KIF16B: variants seen among roughly 807,000 people sequenced by gnomAD.
The protein encoded by KIF16B is kinesin-like protein KIF16B.
A neutral mutation model predicts 156.3 loss-of-function variants in KIF16B; 98 were observed. The ratio of observed to expected loss-of-function variants is 0.63; its 90% CI spans 0.53 to 0.74. The LOEUF is 0.74. Ranked by LOEUF, KIF16B falls within the 30% of genes least tolerant of loss-of-function variation. The probability of loss-of-function intolerance (pLI) is 0.00; values close to 1 mark genes in which losing one functional copy is unlikely to be tolerated. For synonymous variants in KIF16B, 564 were observed against 583.7 expected, an observed-to-expected ratio of 0.97 and a Z score of 0.49; for missense variants, 1,421 against 1,606.5, an observed-to-expected ratio of 0.88 and a Z score of 1.97.
chr20:16,449,035 G>C (rs1568546929), intron 12 of KIF16B, among the ~76,000 whole-genome samples: 1 of 152,150 alleles, frequency 6.6e-6, no homozygotes, highest in Non-Finnish European at 1.5e-5. Context: ...GTCATAGAAT[G>C]AAAGTGTCAA....
intron 17 of KIF16B, among the ~76,000 whole-genome samples, chr20:16,396,784 G>A (rs1437343108): frequency 4.6e-5 from 7 of 151,948 alleles, no homozygotes; most frequent in Non-Finnish European, 1.0e-4. Context: ...TGAGTTAGGG[G>A]CCTTCCGTGG....
At chr20:16,363,322 G>A (rs1782089564) in intron 22 of KIF16B, among the ~76,000 whole-genome samples, 1 of 152,144 alleles carries the variant, frequency 6.6e-6, no homozygotes, top group Middle Eastern at 3.2e-3. Flanking sequence ...GCCCATCCAT[G>A]GAGGTACTCA....
intron 1 of KIF16B, among the ~76,000 whole-genome samples, chr20:16,535,422 A>T (rs1004161281): frequency 1.3e-5 from 2 of 152,186 alleles, no homozygotes; most frequent in Non-Finnish European, 2.9e-5. Context: ...ATATAAGATC[A>T]TGTCATCTGC....
At chr20:16,453,872 C>T (rs1406529088) in intron 12 of KIF16B, among the ~76,000 whole-genome samples, 2 of 152,146 alleles carry the variant, frequency 1.3e-5, no homozygotes, top group African/African-American at 4.8e-5. Context: ...TTGGCAATAT[C>T]TTTCTAAACT....
chr20:16,316,627 A>G (rs74323060), intron 24 of KIF16B, among the ~76,000 whole-genome samples: 7,304 of 152,224 alleles, frequency 0.048, 214 homozygotes, highest in Non-Finnish European at 0.075. Context: ...GGCAGGAATT[A>G]CCACTCCATT....
rs555140236 is a variant in KIF16B at position 16,553,796 on chromosome 20, G to T, written c.47+19433C>A. On this transcript the variant is annotated intron_variant, in intron 1 of 25. Coordinates refer to ENST00000354981, the MANE Select transcript of KIF16B (RefSeq NM_024704.5). Reference sequence around the variant, plus strand: ...GCTACAGCGGGGGAGGTGCAGCTGGGCTGCATGCTCCACAGAGCCAGCAGG... The same window carrying T: ...GCTACAGCGGGGGAGGTGCAGCTGGTCTGCATGCTCCACAGAGCCAGCAGG... Among the ~76,000 whole-genome samples, 109 of 152,044 alleles carry T rather than the reference G, an allele frequency of 7.2e-4. 1 individual carries two copies. Among genetic ancestry groups the T allele is most frequent in the African/African-American group, 2.5e-3 (105 of 41,466 alleles).
chr20:16,568,108 G>A (rs2071327063), intron 1 of KIF16B, among the ~76,000 whole-genome samples: 1 of 152,108 alleles, frequency 6.6e-6, no homozygotes, highest in South Asian at 2.1e-4. Context: ...AAAAGAGGAA[G>A]ACGTCAGTAC....
chr20:16,345,233 G>T (rs904822309), intron 23 of KIF16B, among the ~76,000 whole-genome samples: 2 of 152,114 alleles, frequency 1.3e-5, no homozygotes, highest in African/African-American at 4.8e-5. Context: ...ACACTTAATT[G>T]TCTCCTGAAT....
At chr20:16,568,348 A>AT (rs952340770) in intron 1 of KIF16B, among the ~76,000 whole-genome samples, 1 of 152,154 alleles carries the variant, frequency 6.6e-6, no homozygotes, top group African/African-American at 2.4e-5. Flanking sequence ...CTCAGTAAAT[A>AT]TTTTTTGGCA....
chr20:16,416,287 T>C (rs2066085523), intron 15 of KIF16B, among the ~76,000 whole-genome samples: 1 of 152,212 alleles, frequency 6.6e-6, no homozygotes, highest in Non-Finnish European at 1.5e-5. Flanking sequence ...TCTTTGCCCA[T>C]GCCTATGTCC....
chr20:16,460,366 A>G (rs1326401891), intron 12 of KIF16B, among the ~76,000 whole-genome samples: 1 of 152,130 alleles, frequency 6.6e-6, no homozygotes, highest in African/African-American at 2.4e-5. Flanking sequence ...GGATCACTTG[A>G]GGTTAGGAGT....
chr20:16,390,371 G>A (rs909517389), intron 17 of KIF16B, among the ~76,000 whole-genome samples: 17 of 152,114 alleles, frequency 1.1e-4, no homozygotes, highest in African/African-American at 3.1e-4. Flanking sequence ...CTCTGAAAAT[G>A]ACAGCTAGGA....
At chr20:16,365,072 T>A (rs1407978504) in intron 22 of KIF16B, among the ~76,000 whole-genome samples, 2 of 152,218 alleles carry the variant, frequency 1.3e-5, no homozygotes, top group African/African-American at 4.8e-5. Context: ...TAAAATTTAT[T>A]CCCTCTGCCC....
At chr20:16,529,626 A>G (rs1042506133) in intron 1 of KIF16B, among the ~76,000 whole-genome samples, 1 of 152,178 alleles carries the variant, frequency 6.6e-6, no homozygotes, top group African/African-American at 2.4e-5. Flanking sequence ...GCTGAATGAG[A>G]TACAAACATA....
At chr20:16,354,477 TACACAC>T (rs10567864) in intron 23 of KIF16B, among the ~76,000 whole-genome samples, 5,664 of 148,712 alleles carry the variant, frequency 0.038, 169 homozygotes, top group African/African-American at 0.073. Context: ...AATGGAATTC[TACACAC>T]ACACACACAC....
intron 19 of KIF16B, among the ~76,000 whole-genome samples, chr20:16,376,245 A>G (rs913479631): frequency 6.6e-6 from 1 of 152,220 alleles, no homozygotes; most frequent in African/African-American, 2.4e-5. Context: ...TATCCCTGCT[A>G]TGGTGATGGG....
chr20:16,372,374 T>A (rs1476803037), intron 20 of KIF16B, among the ~76,000 whole-genome samples: 1 of 152,134 alleles, frequency 6.6e-6, no homozygotes, highest in Non-Finnish European at 1.5e-5. Flanking sequence ...GTCTCTACCT[T>A]CCAAAATGCC....
intron 1 of KIF16B, 125 bp from the exon 2 acceptor site, chr20:16,528,565 G>A: frequency 1.4e-6 from 1 of 692,012 alleles, no homozygotes; most frequent in Non-Finnish European, 2.5e-6. Flanking sequence ...CATCTGAGGA[G>A]CAATCCCAGA....
rs994490799 is a variant in KIF16B, at chr20:16,352,045, T to G, written c.3621+4285A>C. Among the ~76,000 whole-genome samples, 5 of 152,350 alleles carry G rather than the reference T, an allele frequency of 3.3e-5. No individual in the cohort carries two copies. The South Asian group carries it at 1.0e-3, about 32-fold the overall frequency. ...TAAATGCCGTTGGATCCCCTCTCCA[T>G]GGTTTGCTAGAGCAGACACGACTAA... On this transcript the variant is annotated intron_variant, in intron 23 of 25. Coordinates refer to ENST00000354981, the MANE Select transcript of KIF16B (RefSeq NM_024704.5).
Sources: allele counts gnomAD v4.1 joint callset (sites outside exome capture counted in the v4.1 genomes callset), GRCh38; gene constraint gnomAD v4.1.1; transcripts MANE v1.5; gene names NCBI Gene and HGNC (gene_info 2026-07-23, HGNC 2026-07-21).